N4BP1: variants seen among roughly 807,000 people sequenced by gnomAD.
The protein encoded by N4BP1 is NEDD4-binding protein 1.
N4BP1 carries 21 observed loss-of-function variants against 70.9 expected under a neutral mutation model. That is an observed-to-expected ratio of 0.30 (90% CI 0.21 to 0.43). The LOEUF (loss-of-function observed/expected upper bound fraction) is 0.43. N4BP1 is among the 20% of genes least tolerant of loss of function. N4BP1 has a pLI of 1.00. For missense variants in N4BP1, 936 were observed against 1,069.4 expected, an observed-to-expected ratio of 0.88 and a Z score of 1.74; for synonymous variants, 387 against 394.6, an observed-to-expected ratio of 0.98 and a Z score of 0.23.
chr16:48,570,520 G>A (rs961337893), intron 1 of N4BP1, among the ~76,000 whole-genome samples: 1 of 152,070 alleles, frequency 6.6e-6, no homozygotes, highest in Non-Finnish European at 1.5e-5. Flanking sequence ...CTAATGTTTT[G>A]TATTTTAGTA....
intron 1 of N4BP1, among the ~76,000 whole-genome samples, chr16:48,608,971 T>C (rs1964630030): frequency 6.6e-6 from 1 of 151,508 alleles, no homozygotes; most frequent in South Asian, 2.1e-4. Context: ...TCCCAGCACT[T>C]TGGGTGACCG....
chr16:48,551,931 T>A (rs1963672067), intron 3 of N4BP1, among the ~76,000 whole-genome samples: 1 of 152,002 alleles, frequency 6.6e-6, no homozygotes, highest in Non-Finnish European at 1.5e-5. Context: ...GGCAGGAGAA[T>A]CGCTTGAACC....
At chr16:48,579,000 T>C (rs1379835001) in intron 1 of N4BP1, among the ~76,000 whole-genome samples, 1 of 55,684 alleles carries the variant, frequency 1.8e-5, no homozygotes. Flanking sequence ...CTTGGGGCAT[T>C]TGACAATGCC....
At chr16:48,570,286 G>A (rs911471647) in intron 1 of N4BP1, among the ~76,000 whole-genome samples, 2 of 152,202 alleles carry the variant, frequency 1.3e-5, no homozygotes, top group African/African-American at 2.4e-5. Flanking sequence ...GCTGTGTTGT[G>A]TTCATGCTGG....
chr16:48,562,286 G>C lies in N4BP1; in HGVS notation c.357C>G (p.Gly119=). 6.2e-7 allele frequency: 1 copy of C among 1,613,914 alleles called. No homozygotes were observed. Among genetic ancestry groups the C allele is most frequent in the Non-Finnish European group, 8.5e-7 (1 of 1,179,870 alleles). ...DLCILDIGLL[G]IRGSAEAVVM... is the part of the protein sequence containing the mutation. ...CCACAGCCTCAGCACTTCCTCTGAT[G>C]CCAAGAAGGCCAATGTCCAGAATGC... The change falls in exon 2 of 7, where the codon GGC becomes GGG. Residue 119 remains glycine, a synonymous_variant. Coordinates refer to ENST00000262384, the MANE Select transcript of N4BP1 (RefSeq NM_153029.4).
intron 1 of N4BP1, among the ~76,000 whole-genome samples, chr16:48,573,195 C>T (rs192569738): frequency 6.6e-5 from 10 of 151,840 alleles, no homozygotes; most frequent in Non-Finnish European, 1.5e-4. Context: ...CAGTACTTGG[C>T]GCTGCACTGG....
intron 2 of N4BP1, chr16:48,559,797 T>C (rs1364904027): frequency 6.6e-6 from 1 of 152,260 alleles, no homozygotes; most frequent in Non-Finnish European, 1.5e-5. Context: ...GAACCTCTCC[T>C]GGTTCAGGGT....
At chr16:48,550,875 G>A (rs186402336) in intron 4 of N4BP1, among the ~76,000 whole-genome samples, 3 of 151,664 alleles carry the variant, frequency 2.0e-5, no homozygotes, top group Non-Finnish European at 2.9e-5. Context: ...CTGAGATTGC[G>A]CCACTGCACT....
chr16:48,555,405 G>C (rs1462499888), intron 2 of N4BP1, among the ~76,000 whole-genome samples: 2 of 152,212 alleles, frequency 1.3e-5, no homozygotes, highest in African/African-American at 4.8e-5. Flanking sequence ...TTGAGAGCAG[G>C]AAGAGGCTGG....
At position 48,547,898 on chromosome 16, in the gene N4BP1, G is replaced by A. The variant is rs1446565344; in HGVS notation, c.2225+109C>T. On this transcript the variant is annotated intron_variant, in intron 5 of 6. Coordinates refer to ENST00000262384, the MANE Select transcript of N4BP1 (RefSeq NM_153029.4). Reference sequence around the variant, plus strand: ...TTATGATACTTTGGTCCCCTATATTGCCTTCTGTGGAGCCAAGGAATATAG... The same window carrying A: ...TTATGATACTTTGGTCCCCTATATTACCTTCTGTGGAGCCAAGGAATATAG... 6 of 722,054 alleles carry A rather than the reference G, an allele frequency of 8.3e-6. No homozygotes were observed. In the South Asian group the frequency reaches 1.0e-4, roughly 12 times the overall value. The allele number at this position is 722,054 out of a possible 1,614,324, so 44.7% of individuals were successfully genotyped here. A position where few individuals can be genotyped will look rare whatever the true frequency, so the allele number is the denominator to read the frequency against.
intron 2 of N4BP1, among the ~76,000 whole-genome samples, chr16:48,555,992 A>G (rs1963746266): frequency 6.6e-6 from 1 of 152,198 alleles, no homozygotes; most frequent in Admixed American, 6.5e-5. Flanking sequence ...GAGGAGGAGT[A>G]CCCAGTTCAA....
At position 48,539,865 on chromosome 16, in the gene N4BP1, C is replaced by T. The variant is rs754201477; in HGVS notation, c.*3039G>A. 1 of 152,502 alleles carries T rather than the reference C, an allele frequency of 6.6e-6. No individual in the cohort carries two copies. The highest frequency in any genetic ancestry group is 2.4e-5 in the African/African-American group (1 of 41,478). The allele number at this position is 152,502 out of a possible 1,614,324, so 9.4% of individuals were successfully genotyped here. Reference sequence around the variant, plus strand: ...GGAAGCAGGGAAAGTCCGGTCAAGCCATGTGCACCAAGACAGAGCCCCAGC... The same window carrying T: ...GGAAGCAGGGAAAGTCCGGTCAAGCTATGTGCACCAAGACAGAGCCCCAGC... On this transcript the variant is annotated 3_prime_UTR_variant, in exon 7 of 7. Transcript: ENST00000262384.
chr16:48,556,655 C>T (rs1020756313), intron 2 of N4BP1, among the ~76,000 whole-genome samples: 2 of 152,012 alleles, frequency 1.3e-5, no homozygotes, highest in Non-Finnish European at 2.9e-5. Flanking sequence ...AGAATGCTGG[C>T]AACTAAAAGA....
Position 48,556,114 on chromosome 16 carries a change from C to T in N4BP1, c.1890-2445G>A, listed in dbSNP as rs749737536. 2.0e-5 allele frequency among the ~76,000 whole-genome samples: 3 copies of T among 152,160 alleles called. No homozygotes were observed. The East Asian group carries it at 5.8e-4, about 29-fold the overall frequency. On this transcript the variant is annotated intron_variant, in intron 2 of 6. Coordinates refer to ENST00000262384, the MANE Select transcript of N4BP1 (RefSeq NM_153029.4). ...CAGATGGAGGTTCTAGAAACATCAG[C>T]TCTCAACTAAATTCCAAAGTGTTAT...
At chr16:48,591,363 G>A (rs1964335442) in intron 1 of N4BP1, among the ~76,000 whole-genome samples, 2 of 146,844 alleles carry the variant, frequency 1.4e-5, no homozygotes, top group Admixed American at 6.9e-5. Context: ...AACTGCCCTT[G>A]GGAAGATTCT....
intron 1 of N4BP1, among the ~76,000 whole-genome samples, chr16:48,584,480 A>C (rs930260359): frequency 6.6e-6 from 1 of 152,232 alleles, no homozygotes; most frequent in African/African-American, 2.4e-5. Flanking sequence ...AAAGTTTCTC[A>C]AACAATCTCT....
chr16:48,560,944 G>C lies in N4BP1; in HGVS notation c.1699C>G (p.Leu567Val), dbSNP rs368975224. The C allele has an allele frequency of 1.4e-5, 23 of 1,613,914 alleles. No individual in the cohort carries two copies. The African/African-American group carries it at 1.7e-4, about 12-fold the overall frequency. ...NCSTLSPPMP[L>V]PQLLPSVTDA... ...GTAACCGAAGGTAACAGCTGGGGCA[G>C]TGGCATTGGTGGAGAAAGGGTTGAG... is the stretch of plus-strand genomic sequence containing the variant. Residue 567 changes from leucine to valine, a missense_variant, in exon 2 of 7, where the codon CTG becomes GTG. Leu to Val is a conservative substitution (Grantham distance 32). This residue lies in a region of N4BP1 where 515 missense variants were observed against 491.7 expected (regional missense o/e 1.05). Transcript: ENST00000262384.
chr16:48,559,036 T>G (rs1963803661), intron 2 of N4BP1, among the ~76,000 whole-genome samples: 1 of 152,152 alleles, frequency 6.6e-6, no homozygotes, highest in Non-Finnish European at 1.5e-5. Context: ...ATTAAAATAT[T>G]TATGACCATA....
intron 1 of N4BP1, among the ~76,000 whole-genome samples, chr16:48,592,576 A>G (rs1964354376): frequency 6.6e-6 from 1 of 152,236 alleles, no homozygotes. Context: ...AGCTCTAATT[A>G]ACTAGCTTAA....
Sources: allele counts gnomAD v4.1 joint callset (sites outside exome capture counted in the v4.1 genomes callset), GRCh38; gene constraint gnomAD v4.1.1; regional missense constraint gnomAD v4.1.1; transcripts MANE v1.5; gene names NCBI Gene and HGNC (gene_info 2026-07-23, HGNC 2026-07-21).